The following MAP4K3 variants were observed in gnomAD, a reference collection of about 807,000 sequenced individuals.
MAP4K3 encodes the protein mitogen-activated protein kinase kinase kinase kinase 3, also known as MAPK/ERK kinase kinase kinase 3.
MAP4K3 carries 94 observed loss-of-function variants against 143.5 expected under a neutral mutation model. The ratio of observed to expected loss-of-function variants is 0.65; its 90% CI spans 0.55 to 0.78. The LOEUF is 0.78. Among genes scored for constraint, MAP4K3 ranks in the 30% least tolerant of loss-of-function variants. The pLI, the probability that MAP4K3 is intolerant of heterozygous loss-of-function variation, is 0.00. For synonymous variants in MAP4K3, 416 were observed against 347.2 expected (o/e 1.20, Z -2.20); for missense variants, 1,077 against 1,068.1 (o/e 1.01, Z -0.12).
intron 15 of MAP4K3, among the ~76,000 whole-genome samples, chr2:39,303,336 T>C (rs1439312063): frequency 1.3e-5 from 2 of 152,128 alleles, no homozygotes; most frequent in African/African-American, 4.8e-5. Flanking sequence ...GAAAAGCAAG[T>C]AGAGTCAGAA....
chr2:39,361,975 C>T (rs1289882980), intron 2 of MAP4K3, among the ~76,000 whole-genome samples: 3 of 151,888 alleles, frequency 2.0e-5, no homozygotes, highest in Non-Finnish European at 2.9e-5. Context: ...AAACAAAAGA[C>T]ACTTCCCTTC....
chr2:39,309,369 G>T, intron 14 of MAP4K3, 92 bp downstream of exon 14: 7 of 883,708 alleles, frequency 7.9e-6, no homozygotes, highest in South Asian at 1.6e-5. Flanking sequence ...AAATATTAAT[G>T]ACTAGCTTTT....
At chr2:39,315,499 C>A (rs2148505283) in intron 12 of MAP4K3, 111 bp from the exon 13 acceptor site, 7 of 689,354 alleles carry the variant, frequency 1.0e-5, no homozygotes, top group South Asian at 4.3e-5. Flanking sequence ...AAAATGAAAG[C>A]AAAACAGCAC....
chr2:39,332,932 C>A (rs949815396), intron 7 of MAP4K3, among the ~76,000 whole-genome samples: 1 of 151,924 alleles, frequency 6.6e-6, no homozygotes, highest in Admixed American at 6.6e-5. Flanking sequence ...TTGTTATTAA[C>A]TATTTCATTT....
intron 29 of MAP4K3, 101 bp downstream of exon 29, chr2:39,260,505 G>T: frequency 2.4e-6 from 2 of 841,196 alleles, no homozygotes; most frequent in Non-Finnish European, 1.9e-6. Flanking sequence ...ATTGAAGACT[G>T]GCAGTATATG....
chr2:39,250,121 T>G lies in MAP4K3; in HGVS notation c.*497A>C, dbSNP rs1213219087. ...CATTACAATTTTAAAAGTTACAAGA[T>G]TTATATTCATATTACTAAATTACAT... On this transcript the variant is annotated 3_prime_UTR_variant, in exon 34 of 34. Coordinates refer to ENST00000263881, the MANE Select transcript of MAP4K3 (RefSeq NM_003618.4). 1 of 152,642 alleles carries G rather than the reference T, an allele frequency of 6.6e-6. No individual in the cohort carries two copies. Among genetic ancestry groups the G allele is most frequent in the Non-Finnish European group, 1.5e-5 (1 of 68,036 alleles). 9.5% of individuals were successfully genotyped at this position (152,642 alleles called of 1,614,324 possible).
At chr2:39,355,056 C>T (rs770812886) in intron 3 of MAP4K3, among the ~76,000 whole-genome samples, 1 of 152,008 alleles carries the variant, frequency 6.6e-6, no homozygotes, top group Admixed American at 6.6e-5. Flanking sequence ...AGTGAGATCC[C>T]CGTCTCTATA....
In MAP4K3 at chr2:39,403,069, A is replaced by C. The variant is rs566496538; in HGVS notation, c.97-24946T>G. Among the ~76,000 whole-genome samples the C allele has an allele frequency of 5.2e-4, 79 of 152,342 alleles. 1 individual carries two copies. Among genetic ancestry groups the C allele is most frequent in the African/African-American group, 1.8e-3 (73 of 41,586 alleles). ...TATAGTTTAAAATGCCCAATAATAA[A>C]GCCTCCAAACCCAGATGGCTTTGCT... On this transcript the variant is annotated intron_variant, in intron 1 of 33. Transcript: ENST00000263881.
chr2:39,403,169 T>C (rs1361531468), intron 1 of MAP4K3, among the ~76,000 whole-genome samples: 1 of 152,034 alleles, frequency 6.6e-6, no homozygotes, highest in Non-Finnish European at 1.5e-5. Flanking sequence ...AGAATACTTC[T>C]CAAGATAGGG....
chr2:39,251,137 A>G (rs1287849904), intron 33 of MAP4K3, among the ~76,000 whole-genome samples: 1 of 152,196 alleles, frequency 6.6e-6, no homozygotes, highest in Non-Finnish European at 1.5e-5. Flanking sequence ...GCTCACAGAA[A>G]GAGTTGTAGT....
At chr2:39,340,103 G>A (rs1466394787) in intron 4 of MAP4K3, among the ~76,000 whole-genome samples, 1 of 151,966 alleles carries the variant, frequency 6.6e-6, no homozygotes, top group Non-Finnish European at 1.5e-5. Flanking sequence ...AAAGTTAAAG[G>A]GGAAACCTTG....
intron 28 of MAP4K3, among the ~76,000 whole-genome samples, chr2:39,262,877 G>A (rs1680622273): frequency 6.6e-6 from 1 of 152,084 alleles, no homozygotes; most frequent in Non-Finnish European, 1.5e-5. Flanking sequence ...GTATGACGCG[G>A]GTGGATCACC....
intron 8 of MAP4K3, among the ~76,000 whole-genome samples, chr2:39,330,964 A>G (rs1413626295): frequency 6.6e-6 from 1 of 152,210 alleles, no homozygotes; most frequent in African/African-American, 2.4e-5. Flanking sequence ...GTATCTGTAA[A>G]TGAATAATGC....
chr2:39,278,419 T>C lies in MAP4K3; in HGVS notation c.1782A>G (p.Thr594=), dbSNP rs773701423. The part of the protein sequence containing the change: ...YTLNLNELHE[T]SMEQLFPRRC... ...CAAAATAACATACCTGTTCCATTGA[T>C]GTTTCATGAAGTTCATTAAGATTGA... The change falls in exon 24 of 34, where the codon ACA becomes ACG. Residue 594 remains threonine (T), a synonymous_variant. Coordinates refer to ENST00000263881, the MANE Select transcript of MAP4K3 (RefSeq NM_003618.4). The C allele has an allele frequency of 6.3e-7, 1 of 1,581,382 alleles. No individual in the cohort carries two copies. Among genetic ancestry groups the C allele is most frequent in the South Asian group, 1.2e-5 (1 of 84,582 alleles).
intron 2 of MAP4K3, among the ~76,000 whole-genome samples, chr2:39,362,252 GA>G (rs1381406140): frequency 6.6e-6 from 1 of 151,908 alleles, no homozygotes; most frequent in African/African-American, 2.4e-5. Flanking sequence ...CCAGAAACAA[GA>G]AAAAGAAATA....
chr2:39,251,091 T>C (rs761227497), intron 33 of MAP4K3, among the ~76,000 whole-genome samples: 1 of 152,182 alleles, frequency 6.6e-6, no homozygotes, highest in African/African-American at 2.4e-5. Context: ...ACCCAGACAC[T>C]GGTATTCAGT....
At chr2:39,374,554 C>T (rs1666168822) in intron 2 of MAP4K3, among the ~76,000 whole-genome samples, 1 of 151,610 alleles carries the variant, frequency 6.6e-6, no homozygotes, top group Non-Finnish European at 1.5e-5. Flanking sequence ...TGGTGGTGCA[C>T]CCCTGTAATC....
intron 26 of MAP4K3, among the ~76,000 whole-genome samples, chr2:39,268,314 T>G (rs1388501566): frequency 6.6e-6 from 1 of 152,182 alleles, no homozygotes; most frequent in African/African-American, 2.4e-5. Flanking sequence ...ACATACTTTT[T>G]ATTATTAAAT....
chr2:39,254,813 C>T (rs954018661), intron 31 of MAP4K3, among the ~76,000 whole-genome samples: 2 of 152,150 alleles, frequency 1.3e-5, no homozygotes, highest in East Asian at 3.8e-4. Context: ...CTCCTGGCCT[C>T]AAGTGATCTG....
Sources: gnomAD v4.1 joint callset for allele counts (sites outside exome capture counted in the v4.1 genomes callset) on GRCh38, gnomAD v4.1.1 for gene constraint, MANE v1.5 for transcripts, NCBI Gene and HGNC (gene_info 2026-07-23, HGNC 2026-07-21) for gene names.